Variants in SPMIP4 observed in about 807,000 individuals in gnomAD.
SPMIP4 encodes the protein sperm-associated microtubule inner protein 4.
chr7:25,177,366 C>T, the SPMIP4 span, among the ~76,000 whole-genome samples: 1 of 151,688 alleles, frequency 6.6e-6, no homozygotes, highest in East Asian at 1.9e-4. Context: ...GCCTGTAGTC[C>T]CAGCTACTCA....
chr7:25,140,704 C>T, the SPMIP4 span, among the ~76,000 whole-genome samples: 1 of 151,494 alleles, frequency 6.6e-6, no homozygotes, highest in Non-Finnish European at 1.5e-5. Context: ...TCTCCTGCCT[C>T]AGCCTCCAGA....
chr7:25,172,929 A>G, the SPMIP4 span, among the ~76,000 whole-genome samples: 3 of 149,928 alleles, frequency 2.0e-5, no homozygotes, highest in South Asian at 6.4e-4. This position sits in a 1 kb window ranked among gnomAD's most constrained non-coding sequence, Gnocchi z 4.2. Context: ...CCTCTGGACT[A>G]TACCCTGAGA....
chr7:25,178,290 GTAGAACAACTTATATTCCTTTGA>G, the SPMIP4 span, among the ~76,000 whole-genome samples: 1 of 152,166 alleles, frequency 6.6e-6, no homozygotes, highest in Non-Finnish European at 1.5e-5. Context: ...TGTCTTTATG[GTAGAACAACTTATATTCCTTTGA>G]TAGAACAACT....
At chr7:25,168,720 T>A in the SPMIP4 span, among the ~76,000 whole-genome samples, 1 of 150,202 alleles carries the variant, frequency 6.7e-6, no homozygotes, top group Non-Finnish European at 1.5e-5. Context: ...TGTTTATTTT[T>A]TTCATTTTCG....
the SPMIP4 span, among the ~76,000 whole-genome samples, chr7:25,147,099 C>T: frequency 6.6e-6 from 1 of 152,102 alleles, no homozygotes; most frequent in African/African-American, 2.4e-5. Context: ...AGTTTGAGGC[C>T]AGCCCGGACA....
At chr7:25,168,389 G>T in the SPMIP4 span, 3 of 1,613,272 alleles carry the variant, frequency 1.9e-6, no homozygotes, top group South Asian at 1.1e-5. Flanking sequence ...AGTGAAATCG[G>T]TATTATCCCA....
At chr7:25,133,375 G>A in the SPMIP4 span, among the ~76,000 whole-genome samples, 1 of 152,296 alleles carries the variant, frequency 6.6e-6, no homozygotes, top group South Asian at 2.1e-4. Flanking sequence ...GAAATAGCAA[G>A]TTGTCTTCTG....
At chr7:25,168,337 A>G in the SPMIP4 span, 1 of 1,612,128 alleles carries the variant, frequency 6.2e-7, no homozygotes, top group Non-Finnish European at 8.5e-7. Flanking sequence ...TCCTTTGCCC[A>G]TGACACGAGG....
At chr7:25,136,715 A>T in the SPMIP4 span, 1 of 1,614,184 alleles carries the variant, frequency 6.2e-7, no homozygotes, top group Non-Finnish European at 8.5e-7. The surrounding 1 kb of genome is among the most constrained non-coding windows in gnomAD (Gnocchi z 5.7). Context: ...GCCTCCAGAG[A>T]ACGTCGGTTC....
At chr7:25,168,355 T>C in the SPMIP4 span, 207,779 of 1,611,990 alleles carry the variant, frequency 0.13, 23,553 homozygotes, top group African/African-American at 0.61. Flanking sequence ...AGGAGGCTCA[T>C]ACTTTGGCCT....
At chr7:25,148,903 C>T in the SPMIP4 span, among the ~76,000 whole-genome samples, 3 of 152,108 alleles carry the variant, frequency 2.0e-5, no homozygotes, top group South Asian at 2.1e-4. Flanking sequence ...GAGACTCTGC[C>T]GCCGCCAGGT....
At chr7:25,132,389 T>C in the SPMIP4 span, among the ~76,000 whole-genome samples, 1 of 152,222 alleles carries the variant, frequency 6.6e-6, no homozygotes, top group Admixed American at 6.5e-5. The surrounding 1 kb of genome is among the most constrained non-coding windows in gnomAD (Gnocchi z 5.0). Context: ...TGCATTTTAT[T>C]CCTCACTACT....
the SPMIP4 span, among the ~76,000 whole-genome samples, chr7:25,169,927 G>A: frequency 2.0e-5 from 3 of 152,122 alleles, no homozygotes; most frequent in East Asian, 3.8e-4. Context: ...GATATATCAC[G>A]TTTTGTTTCA....
At chr7:25,168,477 G>C in the SPMIP4 span, 2 of 1,566,148 alleles carry the variant, frequency 1.3e-6, no homozygotes, top group East Asian at 2.3e-5. Context: ...TGTGAAAAAA[G>C]AGAGACTTCA....
At chr7:25,140,593 C>T in the SPMIP4 span, among the ~76,000 whole-genome samples, 49 of 146,620 alleles carry the variant, frequency 3.3e-4, no homozygotes, top group African/African-American at 1.1e-3. Context: ...AGAGCCACCA[C>T]GCCCGGCCCT....
the SPMIP4 span, among the ~76,000 whole-genome samples, chr7:25,132,041 TAATAGAGTGA>T: frequency 6.6e-6 from 1 of 152,130 alleles, no homozygotes; most frequent in Non-Finnish European, 1.5e-5. The surrounding 1 kb of genome is among the most constrained non-coding windows in gnomAD (Gnocchi z 5.0). Flanking sequence ...TTGCAAGATT[TAATAGAGTGA>T]AATAGAGTGA....
At chr7:25,149,196 C>T in the SPMIP4 span, among the ~76,000 whole-genome samples, 4 of 152,084 alleles carry the variant, frequency 2.6e-5, no homozygotes, top group Non-Finnish European at 5.9e-5. Flanking sequence ...AACAATTCCC[C>T]CTTTCTGGTT....
chr7:25,175,298 G>A, the SPMIP4 span, among the ~76,000 whole-genome samples: 2 of 152,068 alleles, frequency 1.3e-5, no homozygotes, highest in Non-Finnish European at 2.9e-5. Flanking sequence ...TCGCTCTGTT[G>A]CCCAGTCTGG....
chr7:25,146,240 G>C, the SPMIP4 span, among the ~76,000 whole-genome samples: 1 of 152,142 alleles, frequency 6.6e-6, no homozygotes, highest in Non-Finnish European at 1.5e-5. Context: ...AAAGAGAGAC[G>C]GCTGAAGGGA....
Sources: allele counts gnomAD v4.1 joint callset (sites outside exome capture counted in the v4.1 genomes callset), GRCh38; gene constraint gnomAD v4.1.1; non-coding constraint Gnocchi (gnomAD v3.1); transcripts MANE v1.5; gene names NCBI Gene and HGNC (gene_info 2026-07-23, HGNC 2026-07-21).